Variants in PTPRD observed in about 807,000 individuals in gnomAD.
The protein encoded by PTPRD is protein tyrosine phosphatase receptor type D, also known as receptor-type tyrosine-protein phosphatase delta.
A neutral mutation model predicts 214.5 loss-of-function variants in PTPRD; 34 were observed. That is an observed-to-expected ratio of 0.16 (90% CI 0.12 to 0.21). The LOEUF (loss-of-function observed/expected upper bound fraction) is 0.21, where lower values mean the gene tolerates loss of function less well. Ranked by LOEUF, PTPRD falls within the 10% of genes least tolerant of loss-of-function variation. PTPRD has a pLI of 1.00. For missense variants in PTPRD, 2,545 were observed against 2,398.7 expected (o/e 1.06, Z -1.27); for synonymous variants, 1,128 against 845.7 (o/e 1.33, Z -5.79).
intron 8 of PTPRD, among the ~76,000 whole-genome samples, chr9:9,426,366 G>A (rs974834444): frequency 7.9e-5 from 12 of 152,168 alleles, no homozygotes; most frequent in Non-Finnish European, 1.6e-4. Context: ...GGGGATGGGC[G>A]CCCACCATTG....
intron 9 of PTPRD, among the ~76,000 whole-genome samples, chr9:9,203,901 G>A (rs1440564887): frequency 1.3e-5 from 2 of 152,158 alleles, no homozygotes; most frequent in Non-Finnish European, 2.9e-5. Flanking sequence ...AAGAATTGGA[G>A]AAAGAAAATC....
chr9:8,905,726 G>A (rs1229308696), intron 11 of PTPRD, among the ~76,000 whole-genome samples: 2 of 139,292 alleles, frequency 1.4e-5, no homozygotes, highest in African/African-American at 5.7e-5. Flanking sequence ...GAGACAGAGT[G>A]AGACTCCCTC....
chr9:9,479,368 C>T (rs2147004731), intron 8 of PTPRD, among the ~76,000 whole-genome samples: 1 of 151,280 alleles, frequency 6.6e-6, no homozygotes. Context: ...CACACACACA[C>T]ACACATACAC....
chr9:9,330,082 A>T (rs1172727894), intron 9 of PTPRD, among the ~76,000 whole-genome samples: 1 of 152,098 alleles, frequency 6.6e-6, no homozygotes, highest in East Asian at 1.9e-4. Flanking sequence ...AATGCCCTTT[A>T]GCCATGGTGT....
At chr9:10,254,413 G>T (rs1203698096) in intron 3 of PTPRD, among the ~76,000 whole-genome samples, 1 of 151,846 alleles carries the variant, frequency 6.6e-6, no homozygotes, top group African/African-American at 2.4e-5. Flanking sequence ...ATTATTCACA[G>T]TGCATGTCCT....
intron 34 of PTPRD, among the ~76,000 whole-genome samples, chr9:8,440,198 G>A (rs1353746239): frequency 6.6e-6 from 1 of 151,708 alleles, no homozygotes; most frequent in Admixed American, 6.6e-5. Context: ...CCATTAGCAA[G>A]CTTTAGTACT....
intron 2 of PTPRD, among the ~76,000 whole-genome samples, chr9:10,482,353 A>G (rs1298176395): frequency 1.3e-5 from 2 of 152,110 alleles, no homozygotes; most frequent in African/African-American, 2.4e-5. Flanking sequence ...CCTGGGCGAC[A>G]GAGCAAGACT....
chr9:8,636,363 G>A (rs1217823636), intron 13 of PTPRD, among the ~76,000 whole-genome samples: 4 of 152,142 alleles, frequency 2.6e-5, no homozygotes, highest in Non-Finnish European at 5.9e-5. Flanking sequence ...CCAATGGGAT[G>A]AGAGGCTTCT....
At chr9:8,940,279 C>T (rs1244422246) in intron 11 of PTPRD, among the ~76,000 whole-genome samples, 163 of 89,324 alleles carry the variant, frequency 1.8e-3, no homozygotes, top group Non-Finnish European at 2.8e-3. Context: ...CTCTCTCTCT[C>T]CTTTTTTTTT....
At chr9:9,032,017 T>A (rs1467014617) in intron 10 of PTPRD, among the ~76,000 whole-genome samples, 2 of 131,884 alleles carry the variant, frequency 1.5e-5, no homozygotes, top group African/African-American at 5.0e-5. Flanking sequence ...ACTCCTGTAA[T>A]CTTTTTTTTC....
chr9:10,070,626 T>C (rs115298948), intron 3 of PTPRD, among the ~76,000 whole-genome samples: 1,971 of 152,158 alleles, frequency 0.013, 39 homozygotes, highest in African/African-American at 0.043. Context: ...ATATACTTCT[T>C]TGATTACATT....
intron 5 of PTPRD, among the ~76,000 whole-genome samples, chr9:9,803,350 C>T: frequency 6.6e-6 from 1 of 151,418 alleles, no homozygotes. Flanking sequence ...ATTTTTAAGT[C>T]ACTCTCAATA....
intron 3 of PTPRD, among the ~76,000 whole-genome samples, chr9:10,234,116 T>C (rs2099621324): frequency 6.6e-6 from 1 of 151,668 alleles, no homozygotes; most frequent in African/African-American, 2.4e-5. Flanking sequence ...TAGCCAAGCA[T>C]GATGGCATAC....
At position 8,985,213 on chromosome 9, in the gene PTPRD, A is replaced by G. The variant is rs147358379; in HGVS notation, c.-104+33484T>C. 1.6e-3 allele frequency among the ~76,000 whole-genome samples: 239 copies of G among 152,186 alleles called. 1 individual carries two copies. The highest frequency in any genetic ancestry group is 5.4e-3 in the African/African-American group (223 of 41,558). On this transcript the variant is annotated intron_variant, in intron 11 of 45. Coordinates refer to ENST00000381196, the MANE Select transcript of PTPRD (RefSeq NM_002839.4). ...GTTTTTAGGAGAACAACTATCTTAC[A>G]TACCAAGGATATACTAGGCATATGT...
rs142593369 is a variant in PTPRD, at chr9:8,866,154, T to C, written c.-103-132208A>G. Among the ~76,000 whole-genome samples, 515 of 152,298 alleles carry C rather than the reference T, an allele frequency of 3.4e-3. 7 individuals carry two copies. The highest frequency in any genetic ancestry group is 3.5e-3 in the Non-Finnish European group (240 of 68,024). Reference sequence around the variant, plus strand: ...TCATTGGCCACATCTCCAAAATTACTAGTAACACTGAACAAGTCTTGGAGA... The same window carrying C: ...TCATTGGCCACATCTCCAAAATTACCAGTAACACTGAACAAGTCTTGGAGA... On this transcript the variant is annotated intron_variant, in intron 11 of 45. Coordinates refer to ENST00000381196, the MANE Select transcript of PTPRD (RefSeq NM_002839.4).
chr9:8,951,118 G>T (rs1420247332), intron 11 of PTPRD, among the ~76,000 whole-genome samples: 1 of 124,496 alleles, frequency 8.0e-6, no homozygotes, highest in Non-Finnish European at 1.8e-5. Flanking sequence ...GTTGTGTTAA[G>T]GCATTTGTTT....
At chr9:9,371,122 C>T (rs1450321422) in intron 9 of PTPRD, among the ~76,000 whole-genome samples, 1 of 152,114 alleles carries the variant, frequency 6.6e-6, no homozygotes. Context: ...ATGATGCTGG[C>T]TTCATAAAAT....
At position 9,026,971 on chromosome 9, in the gene PTPRD, G is replaced by C. The variant is rs987709933; in HGVS notation, c.-142-8236C>G. 2.0e-4 allele frequency among the ~76,000 whole-genome samples: 31 copies of C among 151,434 alleles called. 1 individual carries two copies. The highest frequency in any genetic ancestry group is 2.0e-3 in the Admixed American group (30 of 15,088). ...TCATCTCTTAAACTTACTTTTGTCT[G>C]TTTGAGCCTTCTGCTTGAGTGCTGA... On this transcript the variant is annotated intron_variant, in intron 10 of 45. Transcript: ENST00000381196.
At chr9:8,789,950 CTA>C (rs2096155585) in intron 11 of PTPRD, among the ~76,000 whole-genome samples, 1 of 152,134 alleles carries the variant, frequency 6.6e-6, no homozygotes, top group African/African-American at 2.4e-5. Context: ...ATAAATTCCA[CTA>C]TACCTTCTAA....
Sources: gnomAD v4.1 joint callset for allele counts (sites outside exome capture counted in the v4.1 genomes callset) on GRCh38, gnomAD v4.1.1 for gene constraint, MANE v1.5 for transcripts, NCBI Gene and HGNC (gene_info 2026-07-23, HGNC 2026-07-21) for gene names.